COL5A2: variants seen among roughly 807,000 people sequenced by gnomAD.
COL5A2 encodes collagen type V alpha 2 chain.
In COL5A2, 23 loss-of-function variants were observed where a neutral mutation model predicts 208.2. The observed-to-expected ratio is 0.11, with a 90% CI of 0.08 to 0.16. The LOEUF is 0.16. COL5A2 is among the 10% of genes least tolerant of loss of function. COL5A2 has a pLI of 1.00. For missense variants in COL5A2, 1,590 were observed against 1,956.4 expected (o/e 0.81, Z 3.53); for synonymous variants, 625 against 628.5 (o/e 0.99, Z 0.08).
chr2:189,314,330 T>C, the COL5A2 span, among the ~76,000 whole-genome samples: 1 of 152,166 alleles, frequency 6.6e-6, no homozygotes, highest in Non-Finnish European at 1.5e-5. Context: ...TAACCTGCTC[T>C]GAAATGACTT....
At chr2:189,364,910 C>T in the COL5A2 span, among the ~76,000 whole-genome samples, 1 of 152,058 alleles carries the variant, frequency 6.6e-6, no homozygotes, top group Non-Finnish European at 1.5e-5. Context: ...AATATTGATT[C>T]ATTAACACAA....
At chr2:189,260,715 A>G in the COL5A2 span, among the ~76,000 whole-genome samples, 1 of 152,178 alleles carries the variant, frequency 6.6e-6, no homozygotes, top group Non-Finnish European at 1.5e-5. Flanking sequence ...TAAAAGAAGG[A>G]AAGAAAGGTG....
chr2:189,086,336 A>T (rs1686661870), intron 9 of COL5A2, among the ~76,000 whole-genome samples: 1 of 152,206 alleles, frequency 6.6e-6, no homozygotes, highest in Non-Finnish European at 1.5e-5. Flanking sequence ...TGGAACAAAC[A>T]TCTTGATTCT....
At chr2:189,106,549 T>C (rs937065825) in intron 2 of COL5A2, among the ~76,000 whole-genome samples, 4 of 151,336 alleles carry the variant, frequency 2.6e-5, no homozygotes, top group South Asian at 2.1e-4. Context: ...TGCAAATGGA[T>C]AGTTTTTGCT....
chr2:189,280,443 A>G, the COL5A2 span, among the ~76,000 whole-genome samples: 2 of 152,146 alleles, frequency 1.3e-5, no homozygotes, highest in Non-Finnish European at 2.9e-5. Flanking sequence ...ATTACTGTGC[A>G]AACTCTCTAA....
At chr2:189,078,140 C>T (rs1166838906) in intron 16 of COL5A2, among the ~76,000 whole-genome samples, 1 of 152,056 alleles carries the variant, frequency 6.6e-6, no homozygotes, top group Non-Finnish European at 1.5e-5. Context: ...TGGAAGAATT[C>T]TTGGCATATA....
intron 30 of COL5A2, among the ~76,000 whole-genome samples, chr2:189,061,339 T>C (rs1686028047): frequency 6.6e-6 from 1 of 152,136 alleles, no homozygotes; most frequent in Non-Finnish European, 1.5e-5. Flanking sequence ...TTTTTATTTG[T>C]TTTGTTCATA....
At chr2:189,154,593 T>C (rs1281262588) in intron 1 of COL5A2, among the ~76,000 whole-genome samples, 1 of 152,216 alleles carries the variant, frequency 6.6e-6, no homozygotes, top group Non-Finnish European at 1.5e-5. Flanking sequence ...ATTCTCCACC[T>C]GCAGAATCAA....
At chr2:189,277,748 A>G in the COL5A2 span, among the ~76,000 whole-genome samples, 1 of 152,234 alleles carries the variant, frequency 6.6e-6, no homozygotes, top group Non-Finnish European at 1.5e-5. Context: ...CAGACTCACT[A>G]AAACTATTCT....
At chr2:189,421,085 G>A in the COL5A2 span, among the ~76,000 whole-genome samples, 1 of 152,026 alleles carries the variant, frequency 6.6e-6, no homozygotes, top group East Asian at 1.9e-4. Context: ...CACTAATCCA[G>A]GAATAATTTT....
chr2:189,203,757 A>G (rs1689108537), intron 1 of COL5A2, among the ~76,000 whole-genome samples: 1 of 152,248 alleles, frequency 6.6e-6, no homozygotes, highest in Admixed American at 6.5e-5. Context: ...AATTAGTTAC[A>G]TATGTGTGAA....
intron 35 of COL5A2, among the ~76,000 whole-genome samples, chr2:189,056,532 C>T (rs1414112295): frequency 1.3e-5 from 2 of 152,014 alleles, no homozygotes; most frequent in Non-Finnish European, 2.9e-5. Flanking sequence ...ACATTAATGA[C>T]GATTCACTGT....
At chr2:189,074,757 A>T (rs183413450) in intron 17 of COL5A2, among the ~76,000 whole-genome samples, 1 of 152,204 alleles carries the variant, frequency 6.6e-6, no homozygotes, top group Non-Finnish European at 1.5e-5. Flanking sequence ...TTCTTAGCTC[A>T]TTGACATGCA....
chr2:189,435,596 T>C, the COL5A2 span, among the ~76,000 whole-genome samples: 3 of 152,028 alleles, frequency 2.0e-5, no homozygotes, highest in African/African-American at 7.3e-5. Flanking sequence ...TCACTGGCCA[T>C]GAGAGAAATG....
chr2:189,276,650 C>T, the COL5A2 span, among the ~76,000 whole-genome samples: 2 of 152,216 alleles, frequency 1.3e-5, no homozygotes, highest in East Asian at 3.9e-4. Context: ...AAGGCTCTAG[C>T]ATTTTAGAAA....
At chr2:189,191,148 AAAAC>A (rs1424943268) in intron 1 of COL5A2, among the ~76,000 whole-genome samples, 2 of 66,036 alleles carry the variant, frequency 3.0e-5, no homozygotes, top group Non-Finnish European at 5.4e-5. Context: ...CATAAAAAAA[AAAAC>A]AAAAAACAAA....
chr2:189,192,278 TA>T (rs974215988), intron 1 of COL5A2, among the ~76,000 whole-genome samples: 31 of 151,924 alleles, frequency 2.0e-4, no homozygotes, highest in African/African-American at 6.3e-4. Context: ...AATTTTAAGT[TA>T]AAAAAAAGGA....
At chr2:189,197,817 T>C (rs1689024220) in intron 1 of COL5A2, among the ~76,000 whole-genome samples, 1 of 151,422 alleles carries the variant, frequency 6.6e-6, no homozygotes, top group African/African-American at 2.4e-5. Context: ...AAATTAATAT[T>C]TTCCTCTTAC....
At chr2:189,057,654 A>G (rs1685930867) in intron 33 of COL5A2, among the ~76,000 whole-genome samples, 1 of 152,190 alleles carries the variant, frequency 6.6e-6, no homozygotes, top group Admixed American at 6.5e-5. Flanking sequence ...TTCTCTTAAG[A>G]GGCAATTGAA....
Sources: gnomAD v4.1 joint callset for allele counts (sites outside exome capture counted in the v4.1 genomes callset) on GRCh38, gnomAD v4.1.1 for gene constraint, MANE v1.5 for transcripts, NCBI Gene and HGNC (gene_info 2026-07-23, HGNC 2026-07-21) for gene names.